RASGEF1C: variants seen among roughly 807,000 people sequenced by gnomAD.
RASGEF1C encodes RasGEF domain family member 1C, also known as ras-GEF domain-containing family member 1C.
A neutral mutation model predicts 58.1 loss-of-function variants in RASGEF1C; 27 were observed. The ratio of observed to expected loss-of-function variants is 0.46; its 90% CI spans 0.34 to 0.64. The LOEUF (loss-of-function observed/expected upper bound fraction) is 0.64, where lower values mean the gene tolerates loss of function less well. RASGEF1C is among the 30% of genes least tolerant of loss of function. RASGEF1C has a pLI of 0.01. For missense variants in RASGEF1C, 502 were observed against 605.1 expected (o/e 0.83, Z 1.79); for synonymous variants, 243 against 246.3 (o/e 0.99, Z 0.13).
intron 1 of RASGEF1C, among the ~76,000 whole-genome samples, chr5:180,154,738 G>T (rs938004555): frequency 6.6e-6 from 1 of 151,998 alleles, no homozygotes; most frequent in Non-Finnish European, 1.5e-5. Context: ...CCACCATCAC[G>T]CCTGCCCATT....
intron 1 of RASGEF1C, among the ~76,000 whole-genome samples, chr5:180,176,755 A>T (rs553346784): frequency 2.4e-4 from 37 of 151,922 alleles, no homozygotes; most frequent in African/African-American, 8.2e-4. Flanking sequence ...ATGGGGTTTC[A>T]CCATGTTGGC....
intron 1 of RASGEF1C, among the ~76,000 whole-genome samples, chr5:180,178,199 A>C (rs554999350): frequency 3.2e-4 from 44 of 135,528 alleles, no homozygotes; most frequent in Admixed American, 7.2e-4. Context: ...GATGGTCTCT[A>C]TCTGGCCTCG....
rs1766309069 is a variant in RASGEF1C at position 180,128,731 on chromosome 5, AGGCCAGGTACCAGCGCAGG to A, written c.439-140_439-122del. ...CTTTTCCTCAGGGTCTCTGGAGAAA[AGGCCAGGTACCAGCGCAGG>A]GGCCAGGACCTGCCCCTACCCTGAA... On this transcript the variant is annotated intron_variant, in intron 4 of 13. Coordinates refer to ENST00000361132, the MANE Select transcript of RASGEF1C (RefSeq NM_175062.4). 7 of 1,014,712 alleles carry A rather than the reference AGGCCAGGTACCAGCGCAGG, an allele frequency of 6.9e-6. No homozygotes were observed. In the Admixed American group the frequency reaches 1.0e-4, roughly 15 times the overall value. The allele number at this position is 1,014,712 out of a possible 1,614,324, so 62.9% of individuals were successfully genotyped here.
In RASGEF1C at chr5:180,119,344, A is replaced by G. The variant is rs1053828832; in HGVS notation, c.907+2T>C. 3.1e-6 allele frequency: 5 copies of G among 1,611,988 alleles called. No individual in the cohort carries two copies. The African/African-American group carries it at 5.3e-5, about 17-fold the overall frequency. ...GGCCACAGGCCAGGCCGGCCCACTCACAGATGATGGCCATGAGGGAGTTGA... is the reference window on the plus strand; with the variant it reads ...GGCCACAGGCCAGGCCGGCCCACTCGCAGATGATGGCCATGAGGGAGTTGA... On this transcript the variant is annotated splice_donor_variant, in intron 8 of 13. Transcript: ENST00000361132. LOFTEE classifies it high-confidence loss of function.
chr5:180,121,681 A>ACACACACACCCC (rs71892414), intron 6 of RASGEF1C, among the ~76,000 whole-genome samples: 1 of 73,468 alleles, frequency 1.4e-5, no homozygotes, highest in African/African-American at 3.4e-5. Flanking sequence ...ACACACACAC[A>ACACACACACCCC]CCCTCATTAT....
At chr5:180,116,525 T>C (rs2113249541) in intron 10 of RASGEF1C, among the ~76,000 whole-genome samples, 1 of 152,294 alleles carries the variant, frequency 6.6e-6, no homozygotes, top group South Asian at 2.1e-4. Flanking sequence ...CCCGCCTCTC[T>C]CTGGAAGTTA....
intron 1 of RASGEF1C, among the ~76,000 whole-genome samples, chr5:180,144,202 G>A (rs1766629314): frequency 6.6e-6 from 1 of 152,268 alleles, no homozygotes; most frequent in African/African-American, 2.4e-5. Flanking sequence ...AAAAAGACTT[G>A]CCAACTGCAC....
chr5:180,191,363 AT>A (rs35378832), intron 1 of RASGEF1C, among the ~76,000 whole-genome samples: 99,137 of 150,682 alleles, frequency 0.66, 34,311 homozygotes, highest in East Asian at 0.86. Flanking sequence ...TTATTTACTT[AT>A]TTTTTTTTTT....
intron 1 of RASGEF1C, among the ~76,000 whole-genome samples, chr5:180,160,372 G>A (rs1472546754): frequency 6.6e-6 from 1 of 152,162 alleles, no homozygotes; most frequent in African/African-American, 2.4e-5. Flanking sequence ...TGGGCATGTC[G>A]CCCTGTGAGC....
rs567182007 is a variant in RASGEF1C, at chr5:180,204,754, G to A, written c.-7+4274C>T. Among the ~76,000 whole-genome samples, 4 of 152,208 alleles carry A rather than the reference G, an allele frequency of 2.6e-5. No individual in the cohort carries two copies. The South Asian group carries it at 8.3e-4, about 32-fold the overall frequency. On this transcript the variant is annotated intron_variant, in intron 1 of 13. Transcript: ENST00000361132. ...ACTAAGGTCAGGAACAAGGTAAGGAGGCCCACCACATCCAATATTTAATAC... is the reference window on the plus strand; with the variant it reads ...ACTAAGGTCAGGAACAAGGTAAGGAAGCCCACCACATCCAATATTTAATAC...
chr5:180,204,007 C>CAA (rs58046613), intron 1 of RASGEF1C, among the ~76,000 whole-genome samples: 1 of 25,992 alleles, frequency 3.8e-5, no homozygotes. Flanking sequence ...AACAAACAAA[C>CAA]AAACAACAAC....
At chr5:180,173,861 T>G (rs554678942) in intron 1 of RASGEF1C, among the ~76,000 whole-genome samples, 1 of 149,424 alleles carries the variant, frequency 6.7e-6, no homozygotes, top group Non-Finnish European at 1.5e-5. Flanking sequence ...TGCAGTGAGC[T>G]GAGATTGTGC....
Position 180,198,372 on chromosome 5 carries a change from C to T in RASGEF1C, c.-7+10656G>A, listed in dbSNP as rs1421438223. 6.6e-6 allele frequency among the ~76,000 whole-genome samples: 1 copy of T among 152,212 alleles called. No individual in the cohort carries two copies. Among genetic ancestry groups the T allele is most frequent in the Non-Finnish European group, 1.5e-5 (1 of 68,044 alleles). Reference sequence around the variant, plus strand: ...TGAGAGCCCCATCTGGTGTCTGAGGCCCAGAGCAATCCTAGGACTGTAAGA... The same window carrying T: ...TGAGAGCCCCATCTGGTGTCTGAGGTCCAGAGCAATCCTAGGACTGTAAGA... On this transcript the variant is annotated intron_variant, in intron 1 of 13. Coordinates refer to ENST00000361132, the MANE Select transcript of RASGEF1C (RefSeq NM_175062.4). This position sits in a 1 kb window ranked among gnomAD's most constrained non-coding sequence, Gnocchi z 4.5.
intron 12 of RASGEF1C, among the ~76,000 whole-genome samples, chr5:180,111,130 T>A (rs1765952985): frequency 6.6e-6 from 1 of 152,176 alleles, no homozygotes; most frequent in Non-Finnish European, 1.5e-5. Flanking sequence ...ATTCTTATCA[T>A]CATCCCCACT....
intron 4 of RASGEF1C, among the ~76,000 whole-genome samples, chr5:180,135,051 C>CA (rs563832282): frequency 1.4e-4 from 20 of 138,476 alleles, no homozygotes; most frequent in Admixed American, 7.8e-4. Flanking sequence ...CCCCACCCCC[C>CA]CCGTCCAATC....
Position 180,168,677 on chromosome 5 carries a change from C to T in RASGEF1C, c.-6-30619G>A, listed in dbSNP as rs1767056480. Among the ~76,000 whole-genome samples the T allele has an allele frequency of 6.6e-6, 1 of 152,162 alleles. No individual in the cohort carries two copies. The highest frequency in any genetic ancestry group is 2.1e-4 in the South Asian group (1 of 4,830). On this transcript the variant is annotated intron_variant, in intron 1 of 13. Transcript: ENST00000361132. This position sits in a 1 kb window ranked among gnomAD's most constrained non-coding sequence, Gnocchi z 6.0. ...GTTCATCTTCCTTGAGGCAACAGCT[C>T]CTCCCCTCAGAGAGGAAGGCCTCGC...
intron 1 of RASGEF1C, among the ~76,000 whole-genome samples, chr5:180,179,985 C>G (rs987601278): frequency 6.6e-6 from 1 of 152,142 alleles, no homozygotes; most frequent in East Asian, 1.9e-4. Flanking sequence ...AAGGAAGGAC[C>G]GGGCGAGTGG....
chr5:180,115,831 G>T (rs571658596), intron 10 of RASGEF1C, among the ~76,000 whole-genome samples: 1 of 151,880 alleles, frequency 6.6e-6, no homozygotes, highest in Admixed American at 6.6e-5. Context: ...CTAGTGCCCC[G>T]TCCTACCTCT....
intron 1 of RASGEF1C, among the ~76,000 whole-genome samples, chr5:180,148,519 C>A (rs1211046320): frequency 6.6e-6 from 1 of 151,984 alleles, no homozygotes; most frequent in Admixed American, 6.6e-5. Flanking sequence ...TTCTTTGTGG[C>A]AACCATGGGA....
Sources: gnomAD v4.1 joint callset for allele counts (sites outside exome capture counted in the v4.1 genomes callset) on GRCh38, gnomAD v4.1.1 for gene constraint, Gnocchi (gnomAD v3.1) non-coding constraint, MANE v1.5 for transcripts, NCBI Gene and HGNC (gene_info 2026-07-23, HGNC 2026-07-21) for gene names.